The following ST3GAL3 variants were observed in gnomAD, a reference collection of about 807,000 sequenced individuals.
The protein encoded by ST3GAL3 is ST3 beta-galactoside alpha-2,3-sialyltransferase 3, also known as CMP-N-acetylneuraminate-beta-1,4-galactoside alpha-2,3-sialyltransferase.
Under a neutral mutation model 50.1 loss-of-function variants are expected in ST3GAL3, and 21 were observed. That is an observed-to-expected ratio of 0.42 (90% confidence interval 0.30 to 0.60). The LOEUF is 0.60. Ranked by LOEUF, ST3GAL3 falls within the 20% of genes least tolerant of loss-of-function variation. The pLI is 0.19. For missense variants in ST3GAL3, 353 were observed against 489.4 expected (o/e 0.72, Z 2.63); for synonymous variants, 183 against 190.0 (o/e 0.96, Z 0.30).
At chr1:43,778,565 C>CAAAATAATA (rs919059434) in intron 2 of ST3GAL3, among the ~76,000 whole-genome samples, 1 of 150,434 alleles carries the variant, frequency 6.6e-6, no homozygotes, top group Non-Finnish European at 1.5e-5. Context: ...AAAACAATTA[C>CAAAATAATA]AAAATAATAT....
rs138743409 is a variant in ST3GAL3 at position 43,787,008 on chromosome 1, A to G, written c.119-5094A>G. Among the ~76,000 whole-genome samples the G allele has an allele frequency of 1.9e-3, 285 of 152,366 alleles. 1 individual carries two copies. Among genetic ancestry groups the G allele is most frequent in the African/African-American group, 6.5e-3 (271 of 41,588 alleles). On this transcript the variant is annotated intron_variant, in intron 2 of 11. Coordinates refer to ENST00000347631, the MANE Select transcript of ST3GAL3 (RefSeq NM_006279.5). ...AATTTGTGCTCTGGAAACTTGTCCA[A>G]TGGCAGAAAGACTGAGCCCTATTCT...
intron 4 of ST3GAL3, among the ~76,000 whole-genome samples, chr1:43,824,343 C>T (rs149317548): frequency 1.6e-4 from 24 of 151,084 alleles, no homozygotes; most frequent in African/African-American, 5.8e-4. Flanking sequence ...CTTCAGATGG[C>T]CAGCTTCTCT....
chr1:43,878,308 T>G (rs1048772331), intron 5 of ST3GAL3, among the ~76,000 whole-genome samples: 5 of 152,184 alleles, frequency 3.3e-5, no homozygotes, highest in Non-Finnish European at 7.3e-5. Context: ...CTTTAGGAAG[T>G]GTACATCCTA....
intron 5 of ST3GAL3, among the ~76,000 whole-genome samples, chr1:43,882,835 G>A (rs1201741615): frequency 6.6e-6 from 1 of 152,084 alleles, no homozygotes; most frequent in Non-Finnish European, 1.5e-5. Flanking sequence ...GTTTGTATAG[G>A]TCACTATCTT....
At chr1:43,815,054 G>A in intron 4 of ST3GAL3, 121 bp downstream of exon 4, 1 of 999,310 alleles carries the variant, frequency 1.0e-6, no homozygotes, top group South Asian at 1.3e-5. Context: ...TGGGGCCTCT[G>A]TCCTCAGGCT....
rs535387239 is a variant in ST3GAL3 at position 43,777,494 on chromosome 1, C to T, written c.119-14608C>T. Among the ~76,000 whole-genome samples the T allele has an allele frequency of 2.7e-3, 407 of 152,298 alleles. 2 individuals are homozygous for T. Among genetic ancestry groups the T allele is most frequent in the Non-Finnish European group, 3.9e-3 (268 of 68,022 alleles). Reference sequence around the variant, plus strand: ...GACCACACACCTACAACCATCTGATCTTCTACAAACCTGACAAAACAAGCA... The same window carrying T: ...GACCACACACCTACAACCATCTGATTTTCTACAAACCTGACAAAACAAGCA... On this transcript the variant is annotated intron_variant, in intron 2 of 11. Coordinates refer to ENST00000347631, the MANE Select transcript of ST3GAL3 (RefSeq NM_006279.5).
chr1:43,899,810 A>G lies in ST3GAL3; in HGVS notation c.744+83A>G, dbSNP rs750262583. 14 of 1,324,774 alleles carry G rather than the reference A, an allele frequency of 1.1e-5. No individual in the cohort carries two copies. Among genetic ancestry groups the G allele is most frequent in the Non-Finnish European group, 1.5e-5 (14 of 926,298 alleles). 82.1% of individuals were successfully genotyped at this position (1,324,774 alleles called of 1,614,324 possible). A position where few individuals can be genotyped will look rare whatever the true frequency, so the allele number is the denominator to read the frequency against. On this transcript the variant is annotated intron_variant, in intron 9 of 11. Transcript: ENST00000347631. The surrounding 1 kb of genome is among the most constrained non-coding windows in gnomAD (Gnocchi z 5.4). ...AGCAATCCCGCCCCTTGAATGCAGC[A>G]AAGAACGAGTAAGAACCTTCAAAGG...
chr1:43,902,543 G>A (rs942619853), intron 9 of ST3GAL3, among the ~76,000 whole-genome samples: 4 of 152,160 alleles, frequency 2.6e-5, no homozygotes, highest in African/African-American at 7.2e-5. Flanking sequence ...TGACTCACTG[G>A]ACAGTGGCAC....
chr1:43,884,841 T>C (rs141993131), intron 5 of ST3GAL3, among the ~76,000 whole-genome samples: 1 of 152,312 alleles, frequency 6.6e-6, no homozygotes, highest in African/African-American at 2.4e-5. Context: ...TCTGTTACCC[T>C]AATCCAGCAA....
intron 10 of ST3GAL3, 59 bp from the exon 11 acceptor site, chr1:43,920,723 G>C (rs866599777): frequency 1.2e-6 from 2 of 1,613,418 alleles, no homozygotes; most frequent in African/African-American, 2.7e-5. Context: ...AGTCTCAGCT[G>C]TCCCAGCCCT....
At chr1:43,761,620 A>G (rs1690362214) in intron 2 of ST3GAL3, among the ~76,000 whole-genome samples, 2 of 152,056 alleles carry the variant, frequency 1.3e-5, no homozygotes, top group Non-Finnish European at 2.9e-5. Flanking sequence ...TCATTATACT[A>G]TTCTCTCTAC....
chr1:43,884,771 G>A (rs898633375), intron 5 of ST3GAL3, among the ~76,000 whole-genome samples: 7 of 152,170 alleles, frequency 4.6e-5, no homozygotes, highest in African/African-American at 1.7e-4. Flanking sequence ...CAGTCATTGG[G>A]AGAAGTGGCT....
intron 5 of ST3GAL3, among the ~76,000 whole-genome samples, chr1:43,875,613 C>A (rs1403932319): frequency 6.6e-6 from 1 of 152,064 alleles, no homozygotes; most frequent in African/African-American, 2.4e-5. Context: ...AAGCATCTGG[C>A]ATTTCCCCTG....
chr1:43,927,342 C>A (rs1461592765), intron 11 of ST3GAL3, among the ~76,000 whole-genome samples: 2 of 152,096 alleles, frequency 1.3e-5, no homozygotes, highest in Non-Finnish European at 1.5e-5. Context: ...AAAAACCAAA[C>A]CAAAACAAAA....
At chr1:43,812,388 G>A (rs1464199644) in intron 3 of ST3GAL3, among the ~76,000 whole-genome samples, 1 of 152,216 alleles carries the variant, frequency 6.6e-6, no homozygotes, top group Non-Finnish European at 1.5e-5. Flanking sequence ...CTAGAGCCAA[G>A]GGCGAGCTGT....
At chr1:43,843,398 A>G (rs1385114398) in intron 5 of ST3GAL3, among the ~76,000 whole-genome samples, 1 of 152,054 alleles carries the variant, frequency 6.6e-6, no homozygotes, top group Non-Finnish European at 1.5e-5. Context: ...TTTTCTCATT[A>G]ATTGATTTTT....
chr1:43,925,880 A>T (rs1398840817), intron 11 of ST3GAL3, among the ~76,000 whole-genome samples: 1 of 152,238 alleles, frequency 6.6e-6, no homozygotes, highest in Non-Finnish European at 1.5e-5. Flanking sequence ...GAGGGCTGAG[A>T]GGTGGCCGTC....
chr1:43,815,113 T>G (rs1573473974), intron 4 of ST3GAL3, 180 bp downstream of exon 4: 1 of 693,332 alleles, frequency 1.4e-6, no homozygotes, highest in South Asian at 1.6e-5. Flanking sequence ...CCAGAGAGGG[T>G]GGGATGATGG....
intron 3 of ST3GAL3, among the ~76,000 whole-genome samples, chr1:43,810,746 G>GCAGAGGGGCGAGGGA (rs893870680): frequency 9.0e-4 from 137 of 152,256 alleles, no homozygotes; most frequent in South Asian, 6.0e-3. Context: ...GCCCTTGGGA[G>GCAGAGGGGCGAGGGA]CAGAGGGGCG....
Sources: allele counts gnomAD v4.1 joint callset (sites outside exome capture counted in the v4.1 genomes callset), GRCh38; gene constraint gnomAD v4.1.1; non-coding constraint Gnocchi (gnomAD v3.1); transcripts MANE v1.5; gene names NCBI Gene and HGNC (gene_info 2026-07-23, HGNC 2026-07-21).